Variants in WWC2 observed in about 807,000 individuals in gnomAD.
WWC2 encodes the protein WW and C2 domain containing 2.
A neutral mutation model predicts 138.5 loss-of-function variants in WWC2; 101 were observed. The ratio of observed to expected loss-of-function variants is 0.73; its 90% CI spans 0.62 to 0.86. The LOEUF (loss-of-function observed/expected upper bound fraction) is 0.86. Among genes scored for constraint, WWC2 ranks in the 40% least tolerant of loss-of-function variants. The pLI is 0.00. For synonymous variants in WWC2, 558 were observed against 538.4 expected (o/e 1.04, Z -0.50); for missense variants, 1,420 against 1,419.4 (o/e 1.00, Z -0.01).
intron 1 of WWC2, among the ~76,000 whole-genome samples, chr4:183,109,831 C>T (rs17074411): frequency 0.08 from 12,127 of 152,134 alleles, 833 homozygotes; most frequent in African/African-American, 0.19. Context: ...ATTTGAGGAG[C>T]TGTCTTGTAT....
intron 20 of WWC2, among the ~76,000 whole-genome samples, chr4:183,287,725 A>C (rs1182943475): frequency 6.6e-6 from 1 of 152,204 alleles, no homozygotes; most frequent in African/African-American, 2.4e-5. Context: ...TGAATAGAAG[A>C]ACAAAGCGCC....
At chr4:183,289,249 C>G in intron 20 of WWC2, 144 bp from the exon 21 acceptor site, 1 of 1,257,196 alleles carries the variant, frequency 8.0e-7, no homozygotes, top group Non-Finnish European at 1.1e-6. Context: ...CTGCCATGGG[C>G]CAGAGCGAGT....
intron 4 of WWC2, among the ~76,000 whole-genome samples, chr4:183,231,286 T>C (rs1192476703): frequency 6.9e-6 from 1 of 144,060 alleles, no homozygotes; most frequent in East Asian, 2.0e-4. Flanking sequence ...TTTTTTTTTT[T>C]TGAGACAGAG....
intron 21 of WWC2, among the ~76,000 whole-genome samples, chr4:183,291,074 G>C (rs1738436875): frequency 6.6e-6 from 1 of 152,254 alleles, no homozygotes; most frequent in Non-Finnish European, 1.5e-5. Flanking sequence ...TCAGTGTGGA[G>C]TTTAATGTTA....
In WWC2 at chr4:183,317,190, G is replaced by A. The variant is rs927263288; in HGVS notation, c.*1461G>A. 1 of 150,820 alleles carries A rather than the reference G, an allele frequency of 6.6e-6. No homozygotes were observed. Among genetic ancestry groups the A allele is most frequent in the Admixed American group, 6.6e-5 (1 of 15,178 alleles). The allele number at this position is 150,820 out of a possible 1,614,324, so 9.3% of individuals were successfully genotyped here. A position where few individuals can be genotyped will look rare whatever the true frequency, so the allele number is the denominator to read the frequency against. On this transcript the variant is annotated 3_prime_UTR_variant, in exon 23 of 23. Coordinates refer to ENST00000403733, the MANE Select transcript of WWC2 (RefSeq NM_024949.6). ...CTTGAAGAAAAAAAAAAAAAGTTTT[G>A]TTCCTCAGTTAGAATGCTCACTAGC...
intron 2 of WWC2, among the ~76,000 whole-genome samples, chr4:183,203,791 C>G (rs1410328025): frequency 6.6e-6 from 1 of 152,228 alleles, no homozygotes; most frequent in Non-Finnish European, 1.5e-5. Context: ...CGTTACATTT[C>G]TCTATTAATG....
intron 1 of WWC2, among the ~76,000 whole-genome samples, chr4:183,132,655 G>A (rs895718885): frequency 3.3e-5 from 5 of 151,830 alleles, no homozygotes; most frequent in East Asian, 1.9e-4. Context: ...GGGTTTCACC[G>A]TGTTAGCCAG....
chr4:183,201,177 G>C (rs958904152), intron 2 of WWC2, among the ~76,000 whole-genome samples: 1 of 152,150 alleles, frequency 6.6e-6, no homozygotes, highest in Admixed American at 6.5e-5. Context: ...CAGATGGCTG[G>C]GCTGCCTTGT....
At chr4:183,266,491 A>G (rs560073885) in intron 14 of WWC2, among the ~76,000 whole-genome samples, 2 of 152,208 alleles carry the variant, frequency 1.3e-5, no homozygotes, top group East Asian at 1.9e-4. Flanking sequence ...AATGCTACAC[A>G]GTCCATTGCT....
chr4:183,280,889 T>C lies in WWC2; in HGVS notation c.2676T>C (p.Asp892=). The change falls in exon 17 of 23, where the codon GAT becomes GAC. Residue 892 remains aspartate (D), a synonymous_variant. Coordinates refer to ENST00000403733, the MANE Select transcript of WWC2 (RefSeq NM_024949.6). ...GACAAGAAGAGCCAAGGGGCCCAGATGGAGACTGGTTAAACACTTATTTCC... is the reference window on the plus strand; with the variant it reads ...GACAAGAAGAGCCAAGGGGCCCAGACGGAGACTGGTTAAACACTTATTTCC... ...ESGQEEPRGP[D]GDWLTMLREA... 6.4e-7 allele frequency: 1 copy of C among 1,563,502 alleles called. No homozygotes were observed.
At chr4:183,233,508 A>G (rs760904542) in intron 4 of WWC2, 2 of 151,918 alleles carry the variant, frequency 1.3e-5, no homozygotes, top group Non-Finnish European at 2.9e-5. Flanking sequence ...ATATATTAAT[A>G]TTTATCTGTT....
chr4:183,172,087 A>G (rs373072164), intron 1 of WWC2, among the ~76,000 whole-genome samples: 9 of 152,140 alleles, frequency 5.9e-5, no homozygotes, highest in East Asian at 5.8e-4. Flanking sequence ...CTATATTCCT[A>G]TTACCAATTT....
At chr4:183,270,537 G>A (rs1332017003) in intron 15 of WWC2, among the ~76,000 whole-genome samples, 1 of 152,132 alleles carries the variant, frequency 6.6e-6, no homozygotes, top group East Asian at 1.9e-4. Flanking sequence ...GCCGAGGCAG[G>A]CAGATCACCT....
chr4:183,185,649 G>T (rs529688956), intron 1 of WWC2, among the ~76,000 whole-genome samples: 1 of 152,090 alleles, frequency 6.6e-6, no homozygotes, highest in Non-Finnish European at 1.5e-5. Context: ...AGCCAACATT[G>T]TGAAGGTTTT....
intron 2 of WWC2, among the ~76,000 whole-genome samples, chr4:183,195,332 G>C (rs75306882): frequency 0.028 from 4,308 of 152,142 alleles, 207 homozygotes; most frequent in African/African-American, 0.096. Flanking sequence ...GCCATCCTGG[G>C]TCAACAAAAA....
At chr4:183,104,297 TTTAG>T (rs1357019916) in intron 1 of WWC2, among the ~76,000 whole-genome samples, 1 of 152,230 alleles carries the variant, frequency 6.6e-6, no homozygotes, top group Admixed American at 6.5e-5. Flanking sequence ...TGTTGGTTAA[TTTAG>T]TTAATGAAGA....
chr4:183,280,229 G>GGTTTTTTTTTTTTT, intron 16 of WWC2, among the ~76,000 whole-genome samples: 1 of 65,430 alleles, frequency 1.5e-5, no homozygotes, highest in Non-Finnish European at 2.7e-5. Context: ...GATAGCAGCT[G>GGTTTTTTTTTTTTT]TTTTTTTTTT....
At position 183,103,930 on chromosome 4, in the gene WWC2, G is replaced by A. The variant is rs990456943; in HGVS notation, c.131+4308G>A. Among the ~76,000 whole-genome samples, 3 of 151,872 alleles carry A rather than the reference G, an allele frequency of 2.0e-5. No homozygotes were observed. The East Asian group carries it at 5.8e-4, about 29-fold the overall frequency. ...ATTACAGGCATGAGCCACCACGCCC[G>A]GCCTGGCCTTGTCTTTCTTTCAAAG... On this transcript the variant is annotated intron_variant, in intron 1 of 22. Coordinates refer to ENST00000403733, the MANE Select transcript of WWC2 (RefSeq NM_024949.6).
At chr4:183,159,491 A>G (rs1452247062) in intron 1 of WWC2, among the ~76,000 whole-genome samples, 1 of 151,980 alleles carries the variant, frequency 6.6e-6, no homozygotes, top group Admixed American at 6.6e-5. Flanking sequence ...TGCAGACTCG[A>G]CTTCCCGAAC....
Sources: allele counts gnomAD v4.1 joint callset (sites outside exome capture counted in the v4.1 genomes callset), GRCh38; gene constraint gnomAD v4.1.1; transcripts MANE v1.5; gene names NCBI Gene and HGNC (gene_info 2026-07-23, HGNC 2026-07-21).